Variants in EPHA6 observed in about 807,000 individuals in gnomAD.
EPHA6 encodes the protein EPH receptor A6, also known as ephrin type-A receptor 6.
A neutral mutation model predicts 112.0 loss-of-function variants in EPHA6; 50 were observed. The observed-to-expected ratio is 0.45, with a 90% CI of 0.36 to 0.56. The LOEUF (loss-of-function observed/expected upper bound fraction) is 0.56. Ranked by LOEUF, EPHA6 falls within the 20% of genes least tolerant of loss-of-function variation. The pLI, the probability that EPHA6 is intolerant of heterozygous loss-of-function variation, is 0.00. For missense variants in EPHA6, 1,280 were observed against 1,417.4 expected (o/e 0.90, Z 1.56); for synonymous variants, 529 against 490.7 (o/e 1.08, Z -1.03).
intron 5 of EPHA6, among the ~76,000 whole-genome samples, chr3:97,293,575 T>C (rs997346515): frequency 5.3e-5 from 8 of 152,186 alleles, no homozygotes; most frequent in African/African-American, 1.7e-4. Context: ...GACATCTGTG[T>C]GAGTCTGATT....
intron 10 of EPHA6, among the ~76,000 whole-genome samples, chr3:97,491,701 C>A (rs921744023): frequency 6.7e-6 from 1 of 149,552 alleles, no homozygotes; most frequent in African/African-American, 2.5e-5. Flanking sequence ...GTTTTTAGGT[C>A]TCATTGTCAT....
chr3:97,441,112 C>T (rs976549923), intron 6 of EPHA6, among the ~76,000 whole-genome samples: 6 of 151,756 alleles, frequency 4.0e-5, no homozygotes, highest in Non-Finnish European at 2.9e-5. Flanking sequence ...TTTCACAATC[C>T]GTTCTCTAAA....
rs930073284 is a variant in EPHA6 at position 97,555,378 on chromosome 3, C to T, written c.2386+22835C>T. Among the ~76,000 whole-genome samples, 424 of 151,984 alleles carry T rather than the reference C, an allele frequency of 2.8e-3. 4 individuals carry two copies. Among genetic ancestry groups the T allele is most frequent in the African/African-American group, 9.2e-3 (380 of 41,390 alleles). ...AAGTCTTTGCTATTGTGAATAGTGC[C>T]GCAATAAACATACGTGTGCATGTGT... On this transcript the variant is annotated intron_variant, in intron 11 of 17. Transcript: ENST00000389672.
At chr3:97,229,204 A>G (rs1352731830) in intron 4 of EPHA6, among the ~76,000 whole-genome samples, 1 of 151,986 alleles carries the variant, frequency 6.6e-6, no homozygotes, top group Non-Finnish European at 1.5e-5. Flanking sequence ...TTGCTGTGTG[A>G]AAGCTTTTTA....
intron 2 of EPHA6, among the ~76,000 whole-genome samples, chr3:96,867,468 G>T (rs2036383745): frequency 1.3e-5 from 2 of 151,578 alleles, no homozygotes; most frequent in African/African-American, 4.8e-5. Context: ...GGTTGTACTT[G>T]ACTTTTTATA....
At chr3:97,633,736 T>A (rs542420143) in intron 13 of EPHA6, among the ~76,000 whole-genome samples, 1 of 152,236 alleles carries the variant, frequency 6.6e-6, no homozygotes, top group East Asian at 1.9e-4. Context: ...TTATTAACCA[T>A]CTACCATATT....
chr3:97,711,407 G>A (rs1378128886), intron 14 of EPHA6, among the ~76,000 whole-genome samples: 1 of 151,068 alleles, frequency 6.6e-6, no homozygotes, highest in Non-Finnish European at 1.5e-5. Flanking sequence ...AGAACCATTA[G>A]GATATATATA....
At chr3:97,532,638 T>A in intron 11 of EPHA6, 95 bp downstream of exon 11, 1 of 1,005,036 alleles carries the variant, frequency 9.9e-7, no homozygotes, top group Non-Finnish European at 1.4e-6. Context: ...CCACAGTCAT[T>A]AAAGGAATAA....
chr3:97,099,285 A>C lies in EPHA6; in HGVS notation c.1114+111292A>C, dbSNP rs554450753. 2.2e-4 allele frequency among the ~76,000 whole-genome samples: 34 copies of C among 151,976 alleles called. No homozygotes were observed. The South Asian group carries it at 6.8e-3, about 31-fold the overall frequency. On this transcript the variant is annotated intron_variant, in intron 3 of 17. Transcript: ENST00000389672. The stretch of plus-strand genomic sequence containing the variant: ...AAAATCTAAATATTTTTTTCCTGTC[A>C]ACTTTCTAATTTCTAATTAGGAAAT...
chr3:97,382,084 A>G (rs1465617884), intron 5 of EPHA6, among the ~76,000 whole-genome samples: 1 of 152,124 alleles, frequency 6.6e-6, no homozygotes, highest in Admixed American at 6.6e-5. Context: ...CTATTTAGAA[A>G]TGTATATTTT....
intron 2 of EPHA6, among the ~76,000 whole-genome samples, chr3:96,954,514 C>A (rs1042644483): frequency 1.6e-4 from 25 of 152,112 alleles, no homozygotes; most frequent in African/African-American, 5.8e-4. Context: ...GCTCTTACCC[C>A]AGATTTTTCT....
chr3:97,310,781 A>T (rs1316346206), intron 5 of EPHA6, among the ~76,000 whole-genome samples: 1 of 151,768 alleles, frequency 6.6e-6, no homozygotes, highest in East Asian at 1.9e-4. Context: ...AGTGTTTTAA[A>T]TATATAAATT....
intron 6 of EPHA6, among the ~76,000 whole-genome samples, chr3:97,435,355 TTAG>T (rs1306783079): frequency 6.6e-6 from 1 of 152,140 alleles, no homozygotes; most frequent in African/African-American, 2.4e-5. Flanking sequence ...TGAAGTCTAC[TTAG>T]TAGTTGTATT....
intron 11 of EPHA6, among the ~76,000 whole-genome samples, chr3:97,566,156 A>G (rs2107192723): frequency 6.6e-6 from 1 of 152,256 alleles, no homozygotes; most frequent in Non-Finnish European, 1.5e-5. Context: ...CAAGTGCATC[A>G]TGTGGCAAGA....
At chr3:97,031,403 A>G (rs957526725) in intron 3 of EPHA6, among the ~76,000 whole-genome samples, 5 of 152,178 alleles carry the variant, frequency 3.3e-5, no homozygotes, top group Non-Finnish European at 5.9e-5. Flanking sequence ...CTTCATGTCT[A>G]AAACACCAAA....
intron 9 of EPHA6, chr3:97,481,576 G>A: frequency 1.7e-6 from 1 of 586,172 alleles, no homozygotes; most frequent in East Asian, 3.8e-5. Context: ...CCGGCGCTGG[G>A]GGACTGTTGG....
At chr3:97,531,069 T>G (rs1158954525) in intron 10 of EPHA6, among the ~76,000 whole-genome samples, 1 of 152,040 alleles carries the variant, frequency 6.6e-6, no homozygotes, top group Non-Finnish European at 1.5e-5. Context: ...TCCAAAGATT[T>G]TGATAACTTA....
At chr3:97,307,741 CAA>C (rs71849708) in intron 5 of EPHA6, among the ~76,000 whole-genome samples, 1 of 148,302 alleles carries the variant, frequency 6.7e-6, no homozygotes, top group African/African-American at 2.5e-5. Flanking sequence ...GTGTTTCAGA[CAA>C]AAAAAAATAT....
chr3:96,924,272 C>A (rs1045996390), intron 2 of EPHA6, among the ~76,000 whole-genome samples: 12 of 152,056 alleles, frequency 7.9e-5, no homozygotes, highest in Admixed American at 7.9e-4. Flanking sequence ...GTTTCTTCTT[C>A]TCTATGAGCA....
Sources: gnomAD v4.1 joint callset for allele counts (sites outside exome capture counted in the v4.1 genomes callset) on GRCh38, gnomAD v4.1.1 for gene constraint, MANE v1.5 for transcripts, NCBI Gene and HGNC (gene_info 2026-07-23, HGNC 2026-07-21) for gene names.